CCDC171: variants seen among roughly 807,000 people sequenced by gnomAD.
CCDC171 encodes the protein coiled-coil domain-containing protein 171.
CCDC171 carries 177 observed loss-of-function variants against 168.2 expected under a neutral mutation model. The observed-to-expected ratio is 1.05, with a 90% CI of 0.93 to 1.19. CCDC171 has a LOEUF of 1.19. Among genes scored for constraint, CCDC171 ranks in the 50% most tolerant of loss-of-function variants. The pLI is 0.00. For synonymous variants in CCDC171, 687 were observed against 540.8 expected, an observed-to-expected ratio of 1.27 and a Z score of -3.75; for missense variants, 1,991 against 1,539.0, an observed-to-expected ratio of 1.29 and a Z score of -4.91.
At chr9:15,713,160 T>C (rs2052803337) in intron 11 of CCDC171, among the ~76,000 whole-genome samples, 1 of 152,232 alleles carries the variant, frequency 6.6e-6, no homozygotes, top group African/African-American at 2.4e-5. Flanking sequence ...GGAAGAATGA[T>C]AGTCACATCC....
Position 15,729,617 on chromosome 9 carries a change from A to G in CCDC171, c.1868A>G (p.His623Arg), listed in dbSNP as rs1301395991. 4 of 1,609,654 alleles carry G rather than the reference A, an allele frequency of 2.5e-6. No homozygotes were observed. Among genetic ancestry groups the G allele is most frequent in the Non-Finnish European group, 3.4e-6 (4 of 1,177,116 alleles). ...TTGCATCTCCCCGTATAGATAAGGC[A>G]TCTAGAGTATATCTGTAAAAACAAG... ...DLNRANEKIR[H>R]LEYICKNKSD... Residue 623 changes from histidine to arginine, a missense_variant, in exon 16 of 26, where the codon CAT becomes CGT. Transcript: ENST00000380701.
chr9:15,893,151 C>T (rs746606213), intron 24 of CCDC171, among the ~76,000 whole-genome samples: 1 of 152,086 alleles, frequency 6.6e-6, no homozygotes, highest in Admixed American at 6.6e-5. Flanking sequence ...AACATCTGAC[C>T]TTTGACAAAC....
chr9:15,942,864 A>C (rs1377605792), intron 25 of CCDC171, among the ~76,000 whole-genome samples: 1 of 151,978 alleles, frequency 6.6e-6, no homozygotes, highest in Non-Finnish European at 1.5e-5. Context: ...ATGCTCCTAC[A>C]ATATTAATAG....
intron 25 of CCDC171, among the ~76,000 whole-genome samples, chr9:15,923,990 T>G (rs757337426): frequency 1.1e-4 from 17 of 151,458 alleles, no homozygotes; most frequent in Non-Finnish European, 2.1e-4. Flanking sequence ...CTCAGTTATA[T>G]ATATGCCTCC....
At chr9:15,874,428 C>A in intron 23 of CCDC171, 104 bp from the exon 24 acceptor site, 1 of 873,716 alleles carries the variant, frequency 1.1e-6, no homozygotes, top group Non-Finnish European at 1.6e-6. Context: ...ATTTCAGGTC[C>A]AGCGATCAAT....
chr9:15,862,079 A>T lies in CCDC171; in HGVS notation c.3469-12453A>T, dbSNP rs10732335. ...CATGTTACTGCCTTCTGGCTTGCAA[A>T]GTTTGAGCTGAAAAAGTCAATTGAT... On this transcript the variant is annotated intron_variant, in intron 23 of 25. Coordinates refer to ENST00000380701, the MANE Select transcript of CCDC171 (RefSeq NM_173550.4). Among the ~76,000 whole-genome samples, 104 of 151,322 alleles carry T rather than the reference A, an allele frequency of 6.9e-4. 1 individual carries two copies. The East Asian group carries it at 0.014, about 21-fold the overall frequency.
the CCDC171 span, among the ~76,000 whole-genome samples, chr9:16,106,063 C>G: frequency 6.6e-6 from 1 of 152,106 alleles, no homozygotes; most frequent in Non-Finnish European, 1.5e-5. Context: ...GACCCCTGTC[C>G]TATTGAGTTA....
chr9:15,692,207 C>G (rs2050850459), intron 10 of CCDC171, among the ~76,000 whole-genome samples: 2 of 152,052 alleles, frequency 1.3e-5, no homozygotes, highest in Non-Finnish European at 2.9e-5. Flanking sequence ...GAAACCCTGT[C>G]TCTACCAAAA....
At chr9:16,087,711 T>C in the CCDC171 span, among the ~76,000 whole-genome samples, 5 of 152,100 alleles carry the variant, frequency 3.3e-5, no homozygotes, top group Admixed American at 1.3e-4. Flanking sequence ...TTTGCCAGTC[T>C]GTGTCTTCTA....
intron 25 of CCDC171, among the ~76,000 whole-genome samples, chr9:15,931,022 A>G (rs992868464): frequency 1.3e-5 from 2 of 151,628 alleles, no homozygotes; most frequent in Non-Finnish European, 3.0e-5. Flanking sequence ...ACTGTTAACC[A>G]TAGTCACATC....
intron 11 of CCDC171, among the ~76,000 whole-genome samples, chr9:15,701,084 G>A (rs969155807): frequency 1.3e-5 from 2 of 152,042 alleles, no homozygotes; most frequent in African/African-American, 4.8e-5. Context: ...TACTGGGATC[G>A]TTTGGGTGTT....
At chr9:15,732,102 C>T (rs1022089536) in intron 16 of CCDC171, among the ~76,000 whole-genome samples, 1 of 151,928 alleles carries the variant, frequency 6.6e-6, no homozygotes, top group African/African-American at 2.4e-5. Context: ...TATCCTTTGT[C>T]ATGTATATGC....
In CCDC171 at chr9:15,971,650, A is replaced by G; in HGVS notation, c.3795A>G (p.Arg1265=). ...RDHSNLSIPS[R]APLPADTTGI... ...ATTCAAATCTCTCCATTCCTTCAAG[A>G]GCTCCTCTTCCTGCTGACACAACTG... Residue 1265 remains arginine (R), a synonymous_variant, in exon 26 of 26, where the codon AGA becomes AGG. Coordinates refer to ENST00000380701, the MANE Select transcript of CCDC171 (RefSeq NM_173550.4). The G allele has an allele frequency of 6.2e-7, 1 of 1,613,708 alleles. No homozygotes were observed. Among genetic ancestry groups the G allele is most frequent in the Non-Finnish European group, 8.5e-7 (1 of 1,179,824 alleles).
At chr9:15,706,374 C>T (rs2052236518) in intron 11 of CCDC171, among the ~76,000 whole-genome samples, 1 of 152,026 alleles carries the variant, frequency 6.6e-6, no homozygotes, top group Admixed American at 6.6e-5. Flanking sequence ...ACTGCAGTCT[C>T]AACCTTCTGG....
intron 7 of CCDC171, among the ~76,000 whole-genome samples, chr9:15,630,782 C>G (rs1391299748): frequency 5.9e-5 from 9 of 152,256 alleles, no homozygotes; most frequent in Non-Finnish European, 1.5e-5. Flanking sequence ...TAAAGCTCTC[C>G]TCAGCAAATG....
At chr9:16,060,317 C>A (rs1168176125) in intron 1 of CCDC171, among the ~76,000 whole-genome samples, 1 of 152,276 alleles carries the variant, frequency 6.6e-6, no homozygotes, top group East Asian at 1.9e-4. Context: ...AAAAACGGAG[C>A]GATGACCGTG....
chr9:15,916,877 C>G (rs1824601484), intron 24 of CCDC171, among the ~76,000 whole-genome samples: 1 of 151,878 alleles, frequency 6.6e-6, no homozygotes, highest in Non-Finnish European at 1.5e-5. Context: ...CTAACCGAGT[C>G]TCACTGAGAT....
chr9:15,762,313 T>G (rs2056491984), intron 18 of CCDC171, among the ~76,000 whole-genome samples: 1 of 152,068 alleles, frequency 6.6e-6, no homozygotes, highest in Admixed American at 6.6e-5. Flanking sequence ...AATTTTTACC[T>G]CCTTTTCCAG....
At chr9:15,642,478 T>C (rs2046718590) in intron 7 of CCDC171, among the ~76,000 whole-genome samples, 1 of 151,086 alleles carries the variant, frequency 6.6e-6, no homozygotes, top group African/African-American at 2.4e-5. Context: ...AATGTTACAC[T>C]AGTTCTCCTA....
Sources: gnomAD v4.1 joint callset for allele counts (sites outside exome capture counted in the v4.1 genomes callset) on GRCh38, gnomAD v4.1.1 for gene constraint, MANE v1.5 for transcripts, NCBI Gene and HGNC (gene_info 2026-07-23, HGNC 2026-07-21) for gene names.